The following ARID1B variants were observed in gnomAD, a reference collection of about 807,000 sequenced individuals.
The protein encoded by ARID1B is AT-rich interaction domain 1B.
A neutral mutation model predicts 212.3 loss-of-function variants in ARID1B; 30 were observed. The ratio of observed to expected loss-of-function variants is 0.14; its 90% CI spans 0.11 to 0.19. The LOEUF is 0.19. Among genes scored for constraint, ARID1B ranks in the 10% least tolerant of loss-of-function variants. The pLI is 1.00. For missense variants in ARID1B, 2,891 were observed against 3,204.0 expected (o/e 0.90, Z 2.36); for synonymous variants, 1,402 against 1,301.7 (o/e 1.08, Z -1.66).
intron 2 of ARID1B, among the ~76,000 whole-genome samples, chr6:156,900,673 A>G (rs1237183676): frequency 1.3e-5 from 2 of 152,224 alleles, no homozygotes; most frequent in Non-Finnish European, 1.5e-5. Flanking sequence ...TATTTATTGC[A>G]TGAGGAAGGA....
intron 4 of ARID1B, among the ~76,000 whole-genome samples, chr6:156,996,799 A>G (rs1376572399): frequency 6.6e-6 from 1 of 152,222 alleles, no homozygotes; most frequent in Non-Finnish European, 1.5e-5. Context: ...CAGTTTTACA[A>G]TTGCGTTAAT....
At chr6:157,183,122 G>A (rs1299789067) in intron 12 of ARID1B, among the ~76,000 whole-genome samples, 3 of 152,124 alleles carry the variant, frequency 2.0e-5, no homozygotes, top group Non-Finnish European at 4.4e-5. Context: ...TACCTTGTGG[G>A]CATCAGATGT....
chr6:157,167,318 T>C, intron 9 of ARID1B, 133 bp downstream of exon 9: 1 of 1,114,872 alleles, frequency 9.0e-7, no homozygotes, highest in Non-Finnish European at 1.2e-6. Context: ...ACTACTTTTC[T>C]GCTTCTCAGA....
intron 6 of ARID1B, among the ~76,000 whole-genome samples, chr6:157,128,678 C>A (rs1434142870): frequency 6.6e-6 from 1 of 152,106 alleles, no homozygotes; most frequent in Non-Finnish European, 1.5e-5. Context: ...AGGAGCTGTA[C>A]CTGCCAGATG....
intron 4 of ARID1B, among the ~76,000 whole-genome samples, chr6:157,010,794 A>G (rs1273489416): frequency 6.6e-6 from 1 of 152,218 alleles, no homozygotes; most frequent in Non-Finnish European, 1.5e-5. Flanking sequence ...ATCCTTCACG[A>G]TAAGAAAGTA....
At chr6:156,784,594 G>A (rs1779505600) in intron 1 of ARID1B, among the ~76,000 whole-genome samples, 1 of 152,146 alleles carries the variant, frequency 6.6e-6, no homozygotes, top group Non-Finnish European at 1.5e-5. Flanking sequence ...TGAATGAATG[G>A]AATGATAGAC....
intron 4 of ARID1B, among the ~76,000 whole-genome samples, chr6:156,981,497 A>G (rs935966770): frequency 1.3e-5 from 2 of 152,238 alleles, no homozygotes; most frequent in African/African-American, 4.8e-5. Flanking sequence ...GTCTTGTTAC[A>G]TGTATATTTC....
At position 156,878,501 on chromosome 6, in the gene ARID1B, C is replaced by T. The variant is rs1433703692; in HGVS notation, c.1987-22875C>T. The stretch of plus-strand genomic sequence containing the variant: ...CTGAAATTGGGTATTGCTGTGTGTA[C>T]TGCAAGGAGAAGTTCCTCCTCTCCT... On this transcript the variant is annotated intron_variant, in intron 2 of 19. Coordinates refer to ENST00000636930, the MANE Select transcript of ARID1B (RefSeq NM_001374828.1). Among the ~76,000 whole-genome samples, 3 of 152,202 alleles carry T rather than the reference C, an allele frequency of 2.0e-5. No homozygotes were observed. The East Asian group carries it at 5.8e-4, about 29-fold the overall frequency.
At chr6:157,111,918 A>G (rs1423662310) in intron 6 of ARID1B, among the ~76,000 whole-genome samples, 2 of 152,152 alleles carry the variant, frequency 1.3e-5, no homozygotes. Context: ...CAAGTTTCCA[A>G]TTCAGAAGGT....
chr6:156,929,501 C>T (rs1048052606), intron 3 of ARID1B, among the ~76,000 whole-genome samples: 3 of 152,034 alleles, frequency 2.0e-5, no homozygotes, highest in Admixed American at 6.6e-5. Context: ...TTCCCTTTTA[C>T]GATTTGGAAT....
intron 13 of ARID1B, among the ~76,000 whole-genome samples, chr6:157,188,912 A>T (rs1793165557): frequency 6.6e-6 from 1 of 152,202 alleles, no homozygotes; most frequent in East Asian, 1.9e-4. Flanking sequence ...GTTTGGAAAA[A>T]ATCAGTTCAA....
chr6:156,880,839 C>T (rs1001995306), intron 2 of ARID1B, among the ~76,000 whole-genome samples: 1 of 150,266 alleles, frequency 6.7e-6, no homozygotes, highest in Non-Finnish European at 1.5e-5. Context: ...TTTTAAAAAT[C>T]CTTGTTAGTT....
At chr6:156,978,584 T>C (rs2128367824) in intron 4 of ARID1B, among the ~76,000 whole-genome samples, 2 of 152,342 alleles carry the variant, frequency 1.3e-5, no homozygotes, top group Middle Eastern at 6.8e-3. Flanking sequence ...CTCATCACCA[T>C]GAAAACCTTT....
chr6:156,797,220 GCTTAC>G (rs1780446490), intron 1 of ARID1B, among the ~76,000 whole-genome samples: 1 of 152,194 alleles, frequency 6.6e-6, no homozygotes, highest in Admixed American at 6.5e-5. Context: ...CTTTCATAAG[GCTTAC>G]CTTCCAGAGA....
At chr6:156,804,173 C>T (rs1274886647) in intron 1 of ARID1B, among the ~76,000 whole-genome samples, 2 of 151,758 alleles carry the variant, frequency 1.3e-5, no homozygotes, top group Non-Finnish European at 2.9e-5. Flanking sequence ...CCATCTCTAC[C>T]AGAAAATACA....
chr6:156,899,025 C>T (rs768328341), intron 2 of ARID1B, among the ~76,000 whole-genome samples: 1 of 152,088 alleles, frequency 6.6e-6, no homozygotes, highest in South Asian at 2.1e-4. Context: ...GATATTCTAT[C>T]GAGGAATTGG....
At chr6:156,981,284 G>A (rs1335171776) in intron 4 of ARID1B, among the ~76,000 whole-genome samples, 1 of 152,178 alleles carries the variant, frequency 6.6e-6, no homozygotes, top group African/African-American at 2.4e-5. Flanking sequence ...AACCACCTAG[G>A]TAGCTGGATC....
At chr6:156,887,651 A>T (rs1355371295) in intron 2 of ARID1B, among the ~76,000 whole-genome samples, 1 of 152,164 alleles carries the variant, frequency 6.6e-6, no homozygotes, top group Non-Finnish European at 1.5e-5. Context: ...GAGAAAAAGG[A>T]TATAGGAAGG....
intron 3 of ARID1B, among the ~76,000 whole-genome samples, chr6:156,914,476 T>G (rs2128231039): frequency 6.6e-6 from 1 of 152,356 alleles, no homozygotes; most frequent in South Asian, 2.1e-4. Flanking sequence ...TTGTGGCCGC[T>G]CCTTGCCTTT....
Sources: gnomAD v4.1 joint callset for allele counts (sites outside exome capture counted in the v4.1 genomes callset) on GRCh38, gnomAD v4.1.1 for gene constraint, MANE v1.5 for transcripts, NCBI Gene and HGNC (gene_info 2026-07-23, HGNC 2026-07-21) for gene names.